Variants in CDC42BPA observed in about 807,000 individuals in gnomAD.
CDC42BPA encodes the protein serine/threonine-protein kinase MRCK alpha.
CDC42BPA carries 80 observed loss-of-function variants against 223.5 expected under a neutral mutation model. The ratio of observed to expected loss-of-function variants is 0.36; its 90% CI spans 0.30 to 0.43. The LOEUF (loss-of-function observed/expected upper bound fraction) is 0.43, where lower values mean the gene tolerates loss of function less well. Ranked by LOEUF, CDC42BPA falls within the 20% of genes least tolerant of loss-of-function variation. The pLI is 1.00. For synonymous variants in CDC42BPA, 694 were observed against 718.6 expected (o/e 0.97, Z 0.55); for missense variants, 1,743 against 2,099.9 (o/e 0.83, Z 3.32).
chr1:227,129,092 GAATC>G lies in CDC42BPA; in HGVS notation c.1513+13_1513+16del. The G allele has an allele frequency of 7.4e-7, 1 of 1,351,972 alleles. No individual in the cohort carries two copies. Among genetic ancestry groups the G allele is most frequent in the Non-Finnish European group, 1.0e-6 (1 of 962,214 alleles). 83.7% of individuals were successfully genotyped at this position (1,351,972 alleles called of 1,614,324 possible). A position where few individuals can be genotyped will look rare whatever the true frequency, so the allele number is the denominator to read the frequency against. ...ACATTTCCTAAATTGAATTAACAGTGAATCACAGATATTTACCTGTTACTTGTTT... is the reference window on the plus strand; with the variant it reads ...ACATTTCCTAAATTGAATTAACAGTGACAGATATTTACCTGTTACTTGTTT... On this transcript the variant is annotated intron_variant, in intron 11 of 36. Coordinates refer to ENST00000366766, the MANE Select transcript of CDC42BPA (RefSeq NM_001394014.1).
rs1683146100 is a variant in CDC42BPA, at chr1:227,091,948, ATTG to A, written c.2290_2292del (p.Gln764del). On this transcript the variant is annotated inframe_deletion, in exon 16 of 37. Transcript: ENST00000366766. Reference sequence around the variant, plus strand: ...GTTAACAACACTTTTTCTCGTTCATATTGTTGTTTGAACTCACTTTCAAATTCC... The same window carrying A: ...GTTAACAACACTTTTTCTCGTTCATATTGTTTGAACTCACTTTCAAATTCC... 3.7e-6 allele frequency: 6 copies of A among 1,608,826 alleles called. No homozygotes were observed. Among genetic ancestry groups the A allele is most frequent in the South Asian group, 3.3e-5 (3 of 89,794 alleles).
intron 1 of CDC42BPA, among the ~76,000 whole-genome samples, chr1:227,280,802 A>G (rs1229648441): frequency 6.6e-6 from 1 of 152,254 alleles, no homozygotes; most frequent in African/African-American, 2.4e-5. Context: ...CCTAATAGGG[A>G]TCGTCTGCAG....
chr1:227,103,352 C>CA (rs1392441993), intron 14 of CDC42BPA, among the ~76,000 whole-genome samples: 2 of 151,970 alleles, frequency 1.3e-5, no homozygotes, highest in Admixed American at 1.3e-4. Flanking sequence ...ACAAAAATTT[C>CA]ATTGTTAATT....
chr1:227,212,797 C>G (rs1674160320), intron 3 of CDC42BPA, among the ~76,000 whole-genome samples: 1 of 152,136 alleles, frequency 6.6e-6, no homozygotes, highest in South Asian at 2.1e-4. Context: ...CAGATAAATA[C>G]AGAATAATAT....
intron 12 of CDC42BPA, among the ~76,000 whole-genome samples, chr1:227,119,244 A>G (rs985804839): frequency 6.6e-6 from 1 of 151,868 alleles, no homozygotes; most frequent in African/African-American, 2.4e-5. Context: ...AATATTATTT[A>G]CCCTATTGGG....
chr1:227,132,280 G>A (rs527709653), intron 10 of CDC42BPA, among the ~76,000 whole-genome samples: 3 of 152,292 alleles, frequency 2.0e-5, no homozygotes, highest in East Asian at 1.9e-4. Flanking sequence ...CCTCAGGCGC[G>A]CCGCCACACC....
chr1:227,316,352 C>T (rs1694386240), intron 1 of CDC42BPA, among the ~76,000 whole-genome samples: 2 of 152,190 alleles, frequency 1.3e-5, no homozygotes, highest in Non-Finnish European at 2.9e-5. Flanking sequence ...AAAAACCTAA[C>T]CAGTTTAGAT....
At position 227,276,846 on chromosome 1, in the gene CDC42BPA, T is replaced by C. The variant is rs556326654; in HGVS notation, c.179-22691A>G. On this transcript the variant is annotated intron_variant, in intron 1 of 36. Coordinates refer to ENST00000366766, the MANE Select transcript of CDC42BPA (RefSeq NM_001394014.1). ...TAAACGGATTAAGGGTGGTGCAAGA[T>C]GTGCTTTGTTAAACAGATGCTTGAA... 1.4e-3 allele frequency among the ~76,000 whole-genome samples: 211 copies of C among 152,288 alleles called. 2 individuals are homozygous for C. The highest frequency in any genetic ancestry group is 5.0e-3 in the African/African-American group (209 of 41,560).
intron 2 of CDC42BPA, among the ~76,000 whole-genome samples, chr1:227,245,328 C>T (rs562072766): frequency 2.4e-5 from 3 of 125,446 alleles, no homozygotes; most frequent in Admixed American, 1.0e-4. Context: ...CTCACTTTGT[C>T]GCCTGGGCTG....
intron 5 of CDC42BPA, among the ~76,000 whole-genome samples, chr1:227,163,494 C>T (rs1420106869): frequency 4.6e-5 from 4 of 87,376 alleles, no homozygotes; most frequent in African/African-American, 1.9e-4. Flanking sequence ...AGCATGATTA[C>T]GAATACAGTT....
chr1:227,229,553 G>C (rs541693425), intron 2 of CDC42BPA, among the ~76,000 whole-genome samples: 24 of 152,214 alleles, frequency 1.6e-4, no homozygotes, highest in African/African-American at 5.8e-4. Flanking sequence ...AAGGTACCTT[G>C]AATTTTTATA....
chr1:227,192,414 C>T (rs765005097), intron 5 of CDC42BPA, among the ~76,000 whole-genome samples: 23 of 152,226 alleles, frequency 1.5e-4, no homozygotes, highest in Non-Finnish European at 2.9e-4. Context: ...AGCACTTCTG[C>T]AGCTGACTCA....
At position 227,317,223 on chromosome 1, in the gene CDC42BPA, G is replaced by T. The variant is rs41303091; in HGVS notation, c.-41C>A. On this transcript the variant is annotated 5_prime_UTR_variant, in exon 1 of 37. Coordinates refer to ENST00000366766, the MANE Select transcript of CDC42BPA (RefSeq NM_001394014.1). Reference sequence around the variant, plus strand: ...TGCTGGTTTTCCTTTAAATTATTATGATGACTTTTACTATTATCTGAACCT... The same window carrying T: ...TGCTGGTTTTCCTTTAAATTATTATTATGACTTTTACTATTATCTGAACCT... The T allele has an allele frequency of 7.9e-3, 12,508 of 1,576,146 alleles. 54 individuals are homozygous for T. Among genetic ancestry groups the T allele is most frequent in the Non-Finnish European group, 9.5e-3 (10,982 of 1,161,532 alleles).
intron 5 of CDC42BPA, among the ~76,000 whole-genome samples, chr1:227,168,501 T>TTTTTTTTTGTTTTTTTTTTG (rs1558662973): frequency 4.0e-5 from 5 of 125,780 alleles, no homozygotes; most frequent in Non-Finnish European, 6.8e-5. Context: ...CCTGGTGTTT[T>TTTTTTTTTGTTTTTTTTTTG]TTTTTTTTTT....
In CDC42BPA at chr1:227,253,986, T is replaced by C. The variant is rs936866088; in HGVS notation, c.270+78A>G. On this transcript the variant is annotated intron_variant, in intron 2 of 36. Coordinates refer to ENST00000366766, the MANE Select transcript of CDC42BPA (RefSeq NM_001394014.1). ...TTTAACAAGTAACAAGTAACAATAC[T>C]TGTTAAATTCTCTCACAATTGTGTT... is the stretch of plus-strand genomic sequence containing the variant. The C allele has an allele frequency of 1.7e-4, 139 of 808,640 alleles. 1 individual carries two copies. The Admixed American group carries it at 2.9e-3, about 17-fold the overall frequency. 50.1% of individuals were successfully genotyped at this position (808,640 alleles called of 1,614,324 possible).
At chr1:227,234,202 T>C (rs1678564277) in intron 2 of CDC42BPA, 1 of 152,130 alleles carries the variant, frequency 6.6e-6, no homozygotes, top group South Asian at 2.1e-4. Context: ...TTTTCTGCCT[T>C]ACGGTGCTGA....
At chr1:227,061,598 C>A (rs1675934644) in intron 21 of CDC42BPA, among the ~76,000 whole-genome samples, 1 of 152,212 alleles carries the variant, frequency 6.6e-6, no homozygotes, top group Admixed American at 6.5e-5. Context: ...CTGCTTTGAT[C>A]TGATACTCAG....
chr1:227,202,880 T>C (rs1280670510), intron 3 of CDC42BPA, among the ~76,000 whole-genome samples: 1 of 152,026 alleles, frequency 6.6e-6, no homozygotes, highest in East Asian at 1.9e-4. Context: ...AAGTGAGCTA[T>C]GATCACACCA....
intron 1 of CDC42BPA, among the ~76,000 whole-genome samples, chr1:227,301,488 T>C (rs1463899108): frequency 2.6e-5 from 4 of 151,978 alleles, no homozygotes; most frequent in Non-Finnish European, 5.9e-5. Flanking sequence ...GCCTCCAGGG[T>C]AGCTGGGACT....
Sources: gnomAD v4.1 joint callset for allele counts (sites outside exome capture counted in the v4.1 genomes callset) on GRCh38, gnomAD v4.1.1 for gene constraint, MANE v1.5 for transcripts, NCBI Gene and HGNC (gene_info 2026-07-23, HGNC 2026-07-21) for gene names.